Variants in CACNA1E observed in about 807,000 individuals in gnomAD.
The protein encoded by CACNA1E is calcium voltage-gated channel subunit alpha1 E.
CACNA1E carries 40 observed loss-of-function variants against 259.2 expected under a neutral mutation model. That is an observed-to-expected ratio of 0.15 (90% CI 0.12 to 0.20). The LOEUF is 0.20. CACNA1E is among the 10% of genes least tolerant of loss of function. The pLI, the probability that CACNA1E is intolerant of heterozygous loss-of-function variation, is 1.00. For missense variants in CACNA1E, 1,874 were observed against 3,040.1 expected, an observed-to-expected ratio of 0.62 and a Z score of 9.02; for synonymous variants, 1,104 against 1,138.5, an observed-to-expected ratio of 0.97 and a Z score of 0.61.
At chr1:181,501,209 C>T (rs1424861137) in intron 1 of CACNA1E, among the ~76,000 whole-genome samples, 2 of 152,206 alleles carry the variant, frequency 1.3e-5, no homozygotes, top group African/African-American at 4.8e-5. Context: ...GATCCAGTCA[C>T]ACGCAAAACA....
intron 1 of CACNA1E, among the ~76,000 whole-genome samples, chr1:181,404,694 A>G (rs1470033526): frequency 6.6e-6 from 1 of 152,130 alleles, no homozygotes; most frequent in Non-Finnish European, 1.5e-5. Flanking sequence ...TCCTAACCCA[A>G]GATCTTCCCA....
At chr1:181,651,467 A>T in intron 7 of CACNA1E, 26 bp downstream of exon 7, 1 of 1,514,434 alleles carries the variant, frequency 6.6e-7, no homozygotes, top group African/African-American at 1.4e-5. Flanking sequence ...CTCTCTTCTT[A>T]ACTCATTTGC....
At chr1:181,638,606 T>A (rs1657450906) in intron 6 of CACNA1E, among the ~76,000 whole-genome samples, 1 of 152,136 alleles carries the variant, frequency 6.6e-6, no homozygotes, top group Admixed American at 6.5e-5. Context: ...TGTTGGTTTG[T>A]GATATGGTTT....
intron 2 of CACNA1E, among the ~76,000 whole-genome samples, chr1:181,474,014 C>T (rs1320632310): frequency 6.6e-6 from 1 of 152,180 alleles, no homozygotes; most frequent in Admixed American, 6.5e-5. Flanking sequence ...ATACCTAGGA[C>T]AAATAATATT....
At chr1:181,638,607 G>A (rs946517572) in intron 6 of CACNA1E, among the ~76,000 whole-genome samples, 9 of 152,120 alleles carry the variant, frequency 5.9e-5, no homozygotes, top group African/African-American at 2.2e-4. Context: ...GTTGGTTTGT[G>A]ATATGGTTTG....
At chr1:181,422,789 G>T (rs1464895334) in intron 2 of CACNA1E, among the ~76,000 whole-genome samples, 2 of 152,128 alleles carry the variant, frequency 1.3e-5, no homozygotes, top group Non-Finnish European at 2.9e-5. Flanking sequence ...ATCACTTATA[G>T]TTTAACCAAA....
intron 3 of CACNA1E, among the ~76,000 whole-genome samples, chr1:181,574,500 A>G (rs1276481632): frequency 3.3e-5 from 5 of 152,144 alleles, no homozygotes; most frequent in Non-Finnish European, 7.4e-5. Flanking sequence ...GTGCAATTCA[A>G]GTTCAATTCA....
intron 2 of CACNA1E, among the ~76,000 whole-genome samples, chr1:181,416,943 C>T (rs567559212): frequency 6.6e-6 from 1 of 152,034 alleles, no homozygotes; most frequent in Non-Finnish European, 1.5e-5. Flanking sequence ...TGTAGATGAC[C>T]CTTCCTGCAC....
At chr1:181,676,091 G>A (rs3753737) in intron 7 of CACNA1E, among the ~76,000 whole-genome samples, 94,905 of 151,742 alleles carry the variant, frequency 0.63, 30,796 homozygotes, top group East Asian at 0.79. Flanking sequence ...TTGGGCACTC[G>A]TTAGAACTAT....
intron 3 of CACNA1E, among the ~76,000 whole-genome samples, chr1:181,560,390 T>C (rs1373047881): frequency 1.4e-5 from 2 of 147,194 alleles, no homozygotes; most frequent in Admixed American, 1.3e-4. Context: ...CCTTCTAGTC[T>C]TTTTTTTCCT....
At chr1:181,411,153 A>T (rs1337760611) in intron 1 of CACNA1E, among the ~76,000 whole-genome samples, 1 of 152,192 alleles carries the variant, frequency 6.6e-6, no homozygotes, top group Non-Finnish European at 1.5e-5. Context: ...TATCTTGAAA[A>T]GGTGGTAAGT....
chr1:181,727,449 G>GT (rs1558312665), intron 18 of CACNA1E, among the ~76,000 whole-genome samples: 4 of 152,242 alleles, frequency 2.6e-5, no homozygotes, highest in African/African-American at 9.7e-5. Flanking sequence ...AATGAAAGCT[G>GT]TTAGTGACCT....
At position 181,807,621 on chromosome 1, in the gene CACNA1E, A is replaced by C. The variant is rs1328128360; in HGVS notation, c.*8787A>C. 1 of 151,796 alleles carries C rather than the reference A, an allele frequency of 6.6e-6. No individual in the cohort carries two copies. The highest frequency in any genetic ancestry group is 2.4e-5 in the African/African-American group (1 of 41,328). The allele number at this position is 151,796 out of a possible 1,614,324, so 9.4% of individuals were successfully genotyped here. ...TTTTAATCTGAGCAACGCTTTTATC[A>C]ATTAGATAGAAACCAGCATTCCAAA... On this transcript the variant is annotated 3_prime_UTR_variant, in exon 48 of 48. Coordinates refer to ENST00000367573, the MANE Select transcript of CACNA1E (RefSeq NM_001205293.3).
At chr1:181,337,729 T>C (rs558965359) in intron 1 of CACNA1E, among the ~76,000 whole-genome samples, 1 of 152,364 alleles carries the variant, frequency 6.6e-6, no homozygotes, top group African/African-American at 2.4e-5. Flanking sequence ...ATTCTGTACA[T>C]ATATCACAAT....
At chr1:181,511,278 C>T (rs1666142214) in intron 2 of CACNA1E, 93 bp from the exon 3 acceptor site, 2 of 1,461,558 alleles carry the variant, frequency 1.4e-6, no homozygotes, top group Non-Finnish European at 1.9e-6. Context: ...AGGCCCAGCA[C>T]AGACATCCAG....
rs1283048487 is a variant in CACNA1E at position 181,772,060 on chromosome 1, G to T, written c.4974-6G>T. 1 of 1,613,278 alleles carries T rather than the reference G, an allele frequency of 6.2e-7. No individual in the cohort carries two copies. Among genetic ancestry groups the T allele is most frequent in the Non-Finnish European group, 8.5e-7 (1 of 1,179,614 alleles). ...TCCTGCTAACCAAAATGTCTCTTGG[G>T]CTCAGGAGTGCCACAGGTGAGGCCT... is the stretch of plus-strand genomic sequence containing the variant. On this transcript the variant is annotated splice_polypyrimidine_tract_variant and splice_region_variant and intron_variant, in intron 36 of 47. Transcript: ENST00000367573.
intron 2 of CACNA1E, among the ~76,000 whole-genome samples, chr1:181,430,017 G>T (rs1443255565): frequency 6.6e-6 from 1 of 152,108 alleles, no homozygotes; most frequent in Non-Finnish European, 1.5e-5. Flanking sequence ...CTCCCTTTTG[G>T]GACACAGCAG....
intron 6 of CACNA1E, among the ~76,000 whole-genome samples, chr1:181,641,707 T>TG (rs1657773342): frequency 6.5e-4 from 11 of 17,018 alleles, no homozygotes; most frequent in Non-Finnish European, 6.6e-4. Context: ...TTTTTTGTTT[T>TG]TTTTTTTTTT....
intron 1 of CACNA1E, among the ~76,000 whole-genome samples, chr1:181,381,602 A>G (rs1357889883): frequency 6.6e-6 from 1 of 152,232 alleles, no homozygotes; most frequent in Non-Finnish European, 1.5e-5. Context: ...GTAATGTTTC[A>G]TATTGTACTC....
Sources: gnomAD v4.1 joint callset for allele counts (sites outside exome capture counted in the v4.1 genomes callset) on GRCh38, gnomAD v4.1.1 for gene constraint, MANE v1.5 for transcripts, NCBI Gene and HGNC (gene_info 2026-07-23, HGNC 2026-07-21) for gene names.